PDIA3: variants seen among roughly 807,000 people sequenced by gnomAD.
PDIA3 encodes protein disulfide isomerase family A member 3, also known as protein disulfide-isomerase A3.
PDIA3 carries 16 observed loss-of-function variants against 56.9 expected under a neutral mutation model. The ratio of observed to expected loss-of-function variants is 0.28; its 90% confidence interval spans 0.19 to 0.43. The LOEUF (loss-of-function observed/expected upper bound fraction) is 0.43, where lower values mean the gene tolerates loss of function less well. Among genes scored for constraint, PDIA3 ranks in the 20% least tolerant of loss-of-function variants. PDIA3 has a pLI of 1.00. For missense variants in PDIA3, 485 were observed against 621.3 expected, an observed-to-expected ratio of 0.78 and a Z score of 2.33; for synonymous variants, 192 against 216.5, an observed-to-expected ratio of 0.89 and a Z score of 0.99.
At chr15:43,761,921 A>T (rs1001675608) in intron 4 of PDIA3, among the ~76,000 whole-genome samples, 20 of 152,148 alleles carry the variant, frequency 1.3e-4, no homozygotes, top group African/African-American at 3.9e-4. Flanking sequence ...TTATGACTGA[A>T]AATAAGGTTT....
chr15:43,752,258 A>G (rs1236184998), intron 1 of PDIA3, among the ~76,000 whole-genome samples: 2 of 152,184 alleles, frequency 1.3e-5, no homozygotes, highest in Non-Finnish European at 2.9e-5. Context: ...TTAAATCCTT[A>G]AAGACCCAGA....
chr15:43,750,547 G>A (rs1456141646), intron 1 of PDIA3, among the ~76,000 whole-genome samples: 1 of 151,172 alleles, frequency 6.6e-6, no homozygotes, highest in Non-Finnish European at 1.5e-5. Context: ...AGGTCAAGGC[G>A]GGTGGATCAC....
intron 8 of PDIA3, among the ~76,000 whole-genome samples, chr15:43,767,244 C>T (rs895859747): frequency 8.6e-5 from 13 of 151,932 alleles, no homozygotes; most frequent in African/African-American, 3.1e-4. Flanking sequence ...CCCAGCTACT[C>T]AGGAGGCTGA....
chr15:43,756,812 A>C (rs186204303), intron 3 of PDIA3, 46 bp downstream of exon 3: 1 of 1,018,958 alleles, frequency 9.8e-7, no homozygotes, highest in East Asian at 2.4e-5. Context: ...TAAGTACCTT[A>C]TTCTTTGTAG....
At chr15:43,755,387 A>G (rs1485763862) in intron 2 of PDIA3, among the ~76,000 whole-genome samples, 2 of 152,210 alleles carry the variant, frequency 1.3e-5, no homozygotes, top group African/African-American at 4.8e-5. Context: ...GATAATCACA[A>G]TGATGGTAAT....
intron 1 of PDIA3, chr15:43,751,883 A>C (rs2086746719): frequency 1.7e-6 from 1 of 588,324 alleles, no homozygotes; most frequent in African/African-American, 2.0e-5. Context: ...AAAATGTTTG[A>C]AGATAGTTGA....
At chr15:43,757,489 C>T (rs959191826) in intron 3 of PDIA3, among the ~76,000 whole-genome samples, 74 of 150,130 alleles carry the variant, frequency 4.9e-4, no homozygotes, top group Admixed American at 4.8e-3. Context: ...ACCTGGGAGG[C>T]GGAGCTTGCA....
chr15:43,766,647 T>C, intron 7 of PDIA3, 81 bp from the exon 8 acceptor site: 1 of 1,108,338 alleles, frequency 9.0e-7, no homozygotes, highest in Non-Finnish European at 1.3e-6. Flanking sequence ...AGTCTTTGCT[T>C]TCCAATCACT....
At position 43,773,078 on chromosome 15, in the gene PDIA3, T is replaced by A; in HGVS notation, c.*1860T>A. The A allele has an allele frequency of 6.5e-7, 1 of 1,536,292 alleles. No individual in the cohort carries two copies. Among genetic ancestry groups the A allele is most frequent in the Non-Finnish European group, 8.8e-7 (1 of 1,136,172 alleles). ...TTTATAGCTGCTTTGTTCCTTTGTG[T>A]TTCACTAAGCAGAGGCTCAAAAATT... On this transcript the variant is annotated 3_prime_UTR_variant, in exon 13 of 13. Transcript: ENST00000300289.
chr15:43,772,899 A>T lies in PDIA3; in HGVS notation c.*1681A>T. On this transcript the variant is annotated 3_prime_UTR_variant, in exon 13 of 13. Coordinates refer to ENST00000300289, the MANE Select transcript of PDIA3 (RefSeq NM_005313.5). ...GCCAAGCCTCTGTCACTTTTCCTAG[A>T]CTCCTAGGCACAGCTATGGAGTCTT... is the stretch of plus-strand genomic sequence containing the variant. 2.6e-6 allele frequency: 1 copy of T among 387,496 alleles called. No individual in the cohort carries two copies. The highest frequency in any genetic ancestry group is 4.5e-6 in the Non-Finnish European group (1 of 220,284). The allele number at this position is 387,496 out of a possible 1,614,324, so 24.0% of individuals were successfully genotyped here. A position where few individuals can be genotyped will look rare whatever the true frequency, so the allele number is the denominator to read the frequency against.
chr15:43,753,925 C>G, intron 2 of PDIA3, 23 bp downstream of exon 2: 1 of 1,501,718 alleles, frequency 6.7e-7, no homozygotes, highest in Non-Finnish European at 9.3e-7. Context: ...GGATTCTTCA[C>G]TAAAGGACGT....
At position 43,765,491 on chromosome 15, in the gene PDIA3, T is replaced by C. The variant is rs1442127132; in HGVS notation, c.644T>C (p.Phe215Ser). The change falls in exon 6 of 13, where the codon TTT (phenylalanine) becomes TCT (serine). Residue 215 changes from phenylalanine to serine, a missense_variant. Transcript: ENST00000300289. The stretch of plus-strand genomic sequence containing the variant: ...CGTCCTTCACATCTCACTAACAAGT[T>C]TGAGGACAAGACTGTGGCATATACA... ...LFRPSHLTNK[F>S]EDKTVAYTEQ... 6.2e-7 allele frequency: 1 copy of C among 1,613,246 alleles called. No homozygotes were observed. The highest frequency in any genetic ancestry group is 8.5e-7 in the Non-Finnish European group (1 of 1,179,348).
At chr15:43,754,650 A>T (rs1339691913) in intron 2 of PDIA3, among the ~76,000 whole-genome samples, 1 of 151,562 alleles carries the variant, frequency 6.6e-6, no homozygotes, top group Non-Finnish European at 1.5e-5. Context: ...TTGAGGCTGC[A>T]GTGACTAGAC....
At chr15:43,750,535 GGAGGTCAAGGCGGGTGGATCAC>G (rs2086736942) in intron 1 of PDIA3, among the ~76,000 whole-genome samples, 3 of 151,694 alleles carry the variant, frequency 2.0e-5, no homozygotes, top group South Asian at 2.1e-4. Context: ...CAGCACTTTG[GGAGGTCAAGGCGGGTGGATCAC>G]GAGGTCAAGA....
rs989183547 is a variant in PDIA3, at chr15:43,760,621, C to T, written c.365-803C>T. On this transcript the variant is annotated intron_variant, in intron 3 of 12. Coordinates refer to ENST00000300289, the MANE Select transcript of PDIA3 (RefSeq NM_005313.5). ...TCGGCTCACTGCAAGCTCCGCCTCC[C>T]GGGTTCACACCATTCTCCTGCCTCA... is the stretch of plus-strand genomic sequence containing the variant. 1.4e-4 allele frequency among the ~76,000 whole-genome samples: 21 copies of T among 151,030 alleles called. No individual in the cohort carries two copies. The East Asian group carries it at 3.3e-3, about 24-fold the overall frequency.
chr15:43,752,018 A>G (rs2086747584), intron 1 of PDIA3, among the ~76,000 whole-genome samples: 1 of 152,188 alleles, frequency 6.6e-6, no homozygotes, highest in Non-Finnish European at 1.5e-5. Flanking sequence ...ATTGTCTGCC[A>G]TGTGAAATAT....
At chr15:43,756,793 A>T in intron 3 of PDIA3, 27 bp downstream of exon 3, 4 of 1,172,604 alleles carry the variant, frequency 3.4e-6, no homozygotes, top group Non-Finnish European at 5.1e-6. Flanking sequence ...ACATTCTGGA[A>T]ACTGATGTTA....
At chr15:43,754,001 T>G in intron 2 of PDIA3, 99 bp downstream of exon 2, 1 of 815,678 alleles carries the variant, frequency 1.2e-6, no homozygotes, top group Non-Finnish European at 2.1e-6. Context: ...CAGTAATAAA[T>G]AGTTTGTAAG....
Position 43,751,415 on chromosome 15 carries a change from T to A in PDIA3, c.168-2409T>A, listed in dbSNP as rs1180760853. Among the ~76,000 whole-genome samples, 6 of 152,284 alleles carry A rather than the reference T, an allele frequency of 3.9e-5. No homozygotes were observed. In the East Asian group the frequency reaches 1.2e-3, roughly 29 times the overall value. On this transcript the variant is annotated intron_variant, in intron 1 of 12. Coordinates refer to ENST00000300289, the MANE Select transcript of PDIA3 (RefSeq NM_005313.5). ...CATGGCACACATGATGAAGTGATGA[T>A]TATGGGTGAATATATGTTGGAATTC...
Sources: gnomAD v4.1 joint callset for allele counts (sites outside exome capture counted in the v4.1 genomes callset) on GRCh38, gnomAD v4.1.1 for gene constraint, MANE v1.5 for transcripts, NCBI Gene and HGNC (gene_info 2026-07-23, HGNC 2026-07-21) for gene names.